The following ZBTB46 variants were observed in gnomAD, a reference collection of about 807,000 sequenced individuals.
ZBTB46 encodes the protein zinc finger and BTB domain-containing protein 46.
In ZBTB46, 8 loss-of-function variants were observed where a neutral mutation model predicts 44.1. The observed-to-expected ratio is 0.18, with a 90% CI of 0.11 to 0.33. The LOEUF (loss-of-function observed/expected upper bound fraction) is 0.33. ZBTB46 is among the 10% of genes least tolerant of loss of function. The pLI is 1.00. For missense variants in ZBTB46, 651 were observed against 847.7 expected (o/e 0.77, Z 2.88); for synonymous variants, 409 against 382.3 (o/e 1.07, Z -0.81).
Position 63,767,318 on chromosome 20 carries a change from G to C in ZBTB46, c.1222+8360C>G, listed in dbSNP as rs972606674. On this transcript the variant is annotated intron_variant, in intron 3 of 4. Transcript: ENST00000245663. The surrounding 1 kb of genome is among the most constrained non-coding windows in gnomAD (Gnocchi z 5.0). The stretch of plus-strand genomic sequence containing the variant: ...CACATTGGCAATCCCGTAGGATCTC[G>C]GTCATCTGAACCCCGTCGGGCAGAA... Among the ~76,000 whole-genome samples the C allele has an allele frequency of 6.6e-6, 1 of 151,766 alleles. No individual in the cohort carries two copies. The highest frequency in any genetic ancestry group is 1.5e-5 in the Non-Finnish European group (1 of 67,940).
intron 1 of ZBTB46, among the ~76,000 whole-genome samples, chr20:63,801,762 G>A (rs1030917354): frequency 2.0e-5 from 3 of 152,084 alleles, no homozygotes; most frequent in Admixed American, 6.6e-5. Flanking sequence ...AACACTCACC[G>A]CGAGAGTCCA....
chr20:63,780,001 A>C (rs1418671200), intron 2 of ZBTB46, among the ~76,000 whole-genome samples: 1 of 152,094 alleles, frequency 6.6e-6, no homozygotes, highest in Non-Finnish European at 1.5e-5. Context: ...CGCCAGGCAC[A>C]GTGTCTCATG....
rs1313385337 is a variant in ZBTB46 at position 63,747,033 on chromosome 20, G to T, written c.1667C>A (p.Ala556Asp). The T allele has an allele frequency of 6.2e-7, 1 of 1,608,158 alleles. No homozygotes were observed. Among genetic ancestry groups the T allele is most frequent in the Non-Finnish European group, 8.5e-7 (1 of 1,179,462 alleles). The change falls in exon 5 of 5, where the codon GCC becomes GAC. Residue 556 changes from alanine to aspartate, a missense_variant. Ala to Asp is a moderately radical substitution (Grantham distance 126). This residue lies in a region of ZBTB46 where 106 missense variants were observed against 81.0 expected (regional missense o/e 1.31). Transcript: ENST00000245663. ...EELGEDDEGLAPEDALLADDK... is the reference protein window; with the variant it reads ...EELGEDDEGLDPEDALLADDK... ...GTCCGCCAACAGCGCATCCTCAGGG[G>T]CCAGGCCCTCGTCGTCCTCGCCCAG...
chr20:63,783,282 A>G (rs529425334), intron 2 of ZBTB46, among the ~76,000 whole-genome samples: 2 of 152,174 alleles, frequency 1.3e-5, no homozygotes, highest in African/African-American at 4.8e-5. Flanking sequence ...ACAAAATATC[A>G]GCTGGGCGTG....
chr20:63,758,254 T>C (rs1405869113), intron 3 of ZBTB46, among the ~76,000 whole-genome samples: 7 of 145,856 alleles, frequency 4.8e-5, no homozygotes. Flanking sequence ...CTACAGCCAG[T>C]ATCCCCTCCC....
rs374583660 is a variant in ZBTB46 at position 63,775,982 on chromosome 20, C to T, written c.938-20G>A. 2.6e-5 allele frequency: 40 copies of T among 1,523,584 alleles called. No individual in the cohort carries two copies. Among genetic ancestry groups the T allele is most frequent in the African/African-American group, 5.5e-5 (4 of 72,422 alleles). 94.4% of individuals were successfully genotyped at this position (1,523,584 alleles called of 1,614,324 possible). ...CCGCATCTGGGGACAGAGGGACACA[C>T]GTCAGAAGACACGGGTCGTTCCCAG... On this transcript the variant is annotated intron_variant, in intron 2 of 4. Coordinates refer to ENST00000245663, the MANE Select transcript of ZBTB46 (RefSeq NM_001369741.1).
intron 1 of ZBTB46, among the ~76,000 whole-genome samples, chr20:63,819,081 G>A (rs749745228): frequency 2.2e-4 from 33 of 150,642 alleles, no homozygotes; most frequent in Non-Finnish European, 4.6e-4. Flanking sequence ...GCTGAGGCAG[G>A]AGAATCGCTT....
At chr20:63,777,654 G>A (rs1038952458) in intron 2 of ZBTB46, among the ~76,000 whole-genome samples, 4 of 152,270 alleles carry the variant, frequency 2.6e-5, no homozygotes, top group South Asian at 4.1e-4. Context: ...AGATACCCAC[G>A]AGAAATGAAG....
rs765082701 is a variant in ZBTB46 at position 63,743,969 on chromosome 20, A to G, written c.*2961T>C. ...CCCCAGAAAAAAATCAACAATCTTC[A>G]AACACTGCCCTTTTTTTGTGTGTTT... On this transcript the variant is annotated 3_prime_UTR_variant, in exon 5 of 5. Coordinates refer to ENST00000245663, the MANE Select transcript of ZBTB46 (RefSeq NM_001369741.1). The G allele has an allele frequency of 6.6e-6, 1 of 152,622 alleles. No homozygotes were observed. The highest frequency in any genetic ancestry group is 1.5e-5 in the Non-Finnish European group (1 of 68,042). 9.5% of individuals were successfully genotyped at this position (152,622 alleles called of 1,614,324 possible).
At chr20:63,825,484 T>A (rs2092815172) in intron 1 of ZBTB46, among the ~76,000 whole-genome samples, 1 of 150,404 alleles carries the variant, frequency 6.6e-6, no homozygotes, top group Non-Finnish European at 1.5e-5. Context: ...GGGCCAGTTG[T>A]CCCCATGCTG....
At chr20:63,818,692 A>T (rs1278995740) in intron 1 of ZBTB46, among the ~76,000 whole-genome samples, 5 of 149,966 alleles carry the variant, frequency 3.3e-5, no homozygotes, top group South Asian at 2.1e-4. Context: ...CGTGTCTATT[A>T]AAAAAAAATG....
At chr20:63,811,792 A>AC (rs2092719160) in intron 1 of ZBTB46, among the ~76,000 whole-genome samples, 1 of 151,614 alleles carries the variant, frequency 6.6e-6, no homozygotes, top group South Asian at 2.1e-4. Context: ...GCAGGAACAA[A>AC]CCCCTTTCAT....
At chr20:63,776,681 G>A (rs2092428361) in intron 2 of ZBTB46, among the ~76,000 whole-genome samples, 2 of 151,948 alleles carry the variant, frequency 1.3e-5, no homozygotes, top group Admixed American at 6.6e-5. Context: ...GCACGTGCCT[G>A]TAATCCCAGC....
rs376013890 is a variant in ZBTB46, at chr20:63,790,044, G to C, written c.714C>G (p.Tyr238Ter). The C allele has an allele frequency of 6.2e-7, 1 of 1,614,044 alleles. No homozygotes were observed. Among genetic ancestry groups the C allele is most frequent in the Admixed American group, 1.7e-5 (1 of 60,026 alleles). Residue 238 changes from tyrosine (Y) to a stop codon, truncating the protein, a stop_gained, in exon 2 of 5, where the codon TAC (tyrosine) becomes TAG (stop). Transcript: ENST00000245663. LOFTEE classifies it high-confidence loss of function. ...IKEEQVSPSQ[Y>*]GGSELPSAKD... Reference sequence around the variant, plus strand: ...TGGCAGAAGGCAGCTCGCTCCCTCCGTACTGAGACGGTGAAACCTGCTCTT... The same window carrying C: ...TGGCAGAAGGCAGCTCGCTCCCTCCCTACTGAGACGGTGAAACCTGCTCTT...
intron 1 of ZBTB46, among the ~76,000 whole-genome samples, chr20:63,810,737 C>T (rs1568896857): frequency 1.3e-5 from 2 of 152,258 alleles, no homozygotes; most frequent in East Asian, 1.9e-4. Flanking sequence ...CAGAGTGAGA[C>T]TCTGTCTCAA....
intron 1 of ZBTB46, among the ~76,000 whole-genome samples, chr20:63,807,437 C>T (rs1441643605): frequency 1.3e-5 from 2 of 152,166 alleles, no homozygotes; most frequent in African/African-American, 4.8e-5. Context: ...TTCTACCTCC[C>T]GAGTTCGAGT....
intron 3 of ZBTB46, among the ~76,000 whole-genome samples, chr20:63,753,581 T>C (rs984821838): frequency 2.6e-5 from 4 of 152,224 alleles, no homozygotes; most frequent in African/African-American, 9.6e-5. Context: ...GACCTGGGCA[T>C]GGGCCACTGA....
intron 1 of ZBTB46, among the ~76,000 whole-genome samples, chr20:63,793,266 C>T (rs1015576736): frequency 1.1e-4 from 16 of 152,204 alleles, no homozygotes; most frequent in African/African-American, 2.9e-4. Context: ...AGATGACATT[C>T]GGAGCAGGCT....
In ZBTB46 at chr20:63,810,661, G is replaced by A. The variant is rs549708475; in HGVS notation, c.-33-19871C>T. Reference sequence around the variant, plus strand: ...CTAGGGAGGCAGAGGCAGGAGAATCGTTTGAACATGGGAGGCAGAGGTTAC... The same window carrying A: ...CTAGGGAGGCAGAGGCAGGAGAATCATTTGAACATGGGAGGCAGAGGTTAC... On this transcript the variant is annotated intron_variant, in intron 1 of 4. Coordinates refer to ENST00000245663, the MANE Select transcript of ZBTB46 (RefSeq NM_001369741.1). 5.5e-4 allele frequency among the ~76,000 whole-genome samples: 83 copies of A among 152,246 alleles called. 1 individual carries two copies. Among genetic ancestry groups the A allele is most frequent in the African/African-American group, 1.8e-3 (75 of 41,540 alleles).
Sources: allele counts gnomAD v4.1 joint callset (sites outside exome capture counted in the v4.1 genomes callset), GRCh38; gene constraint gnomAD v4.1.1; regional missense constraint gnomAD v4.1.1; non-coding constraint Gnocchi (gnomAD v3.1); transcripts MANE v1.5; gene names NCBI Gene and HGNC (gene_info 2026-07-23, HGNC 2026-07-21).